The following GASK1A variants were observed in gnomAD, a reference collection of about 807,000 sequenced individuals.
The protein encoded by GASK1A is Golgi-associated kinase 1A.
GASK1A carries 40 observed loss-of-function variants against 41.2 expected under a neutral mutation model. The ratio of observed to expected loss-of-function variants is 0.97; its 90% CI spans 0.75 to 1.27. The LOEUF is 1.27. GASK1A is among the 50% of genes most tolerant of loss of function. The pLI is 0.00. For missense variants in GASK1A, 678 were observed against 745.1 expected, an observed-to-expected ratio of 0.91 and a Z score of 1.05; for synonymous variants, 316 against 307.1, an observed-to-expected ratio of 1.03 and a Z score of -0.30.
chr3:43,043,941 G>A (rs923717356), intron 2 of GASK1A, among the ~76,000 whole-genome samples: 21 of 152,156 alleles, frequency 1.4e-4, no homozygotes, highest in Admixed American at 1.2e-3. Flanking sequence ...AGACAGTGTG[G>A]CAGAATAATC....
intron 1 of GASK1A, among the ~76,000 whole-genome samples, chr3:43,017,755 G>T (rs1473877954): frequency 4.0e-5 from 6 of 151,148 alleles, no homozygotes; most frequent in Non-Finnish European, 7.4e-5. Context: ...ACAGGGGGCC[G>T]TCTGAAGCCA....
At chr3:43,020,770 A>G (rs2089517820) in intron 1 of GASK1A, among the ~76,000 whole-genome samples, 1 of 152,156 alleles carries the variant, frequency 6.6e-6, no homozygotes, top group Admixed American at 6.5e-5. Context: ...ACCTGGGGCA[A>G]GCTCTTCTCA....
intron 2 of GASK1A, among the ~76,000 whole-genome samples, chr3:43,050,481 T>G (rs1035334499): frequency 1.3e-5 from 2 of 152,176 alleles, no homozygotes; most frequent in Non-Finnish European, 2.9e-5. Flanking sequence ...TTTGACAGTT[T>G]TATTCTAGGT....
At chr3:43,001,432 A>T (rs1486295166) in intron 1 of GASK1A, among the ~76,000 whole-genome samples, 2 of 152,228 alleles carry the variant, frequency 1.3e-5, no homozygotes, top group African/African-American at 4.8e-5. Flanking sequence ...GGAAGCCAGA[A>T]CAAAGAAAAG....
chr3:43,036,926 A>G (rs568998116), intron 2 of GASK1A, among the ~76,000 whole-genome samples: 97 of 152,186 alleles, frequency 6.4e-4, no homozygotes, highest in Non-Finnish European at 1.2e-3. Context: ...CAAAACTGTA[A>G]TAGGCTCCTG....
chr3:42,985,573 GTGTGTGTGTGTGT>G (rs1559395409), intron 1 of GASK1A, among the ~76,000 whole-genome samples: 1 of 147,252 alleles, frequency 6.8e-6, no homozygotes. Context: ...GTGTGTGTGT[GTGTGTGTGTGTGT>G]GGGCGGAGGC....
chr3:43,031,210 G>C (rs1427086174), intron 1 of GASK1A, among the ~76,000 whole-genome samples: 1 of 152,138 alleles, frequency 6.6e-6, no homozygotes, highest in African/African-American at 2.4e-5. Flanking sequence ...TTCCCATTAT[G>C]TACCAGGGCT....
intron 3 of GASK1A, among the ~76,000 whole-genome samples, chr3:43,054,695 C>T (rs1559408925): frequency 6.6e-6 from 1 of 152,170 alleles, no homozygotes; most frequent in African/African-American, 2.4e-5. Context: ...GAGTGGGGAC[C>T]AGAAGAGATG....
At chr3:43,029,091 T>TG (rs2089561981) in intron 1 of GASK1A, among the ~76,000 whole-genome samples, 1 of 152,008 alleles carries the variant, frequency 6.6e-6, no homozygotes, top group African/African-American at 2.4e-5. Context: ...CCTCCAGGTA[T>TG]GGGGGAGGGA....
intron 1 of GASK1A, among the ~76,000 whole-genome samples, chr3:43,022,017 G>C (rs1364694452): frequency 1.3e-5 from 2 of 152,182 alleles, no homozygotes; most frequent in African/African-American, 4.8e-5. Context: ...AACATTGCAG[G>C]GCAGAAAAGA....
chr3:42,993,774 A>C (rs1181501820), intron 1 of GASK1A, among the ~76,000 whole-genome samples: 1 of 152,230 alleles, frequency 6.6e-6, no homozygotes, highest in East Asian at 1.9e-4. Flanking sequence ...TGTGCCAGGC[A>C]CTGTGCTGGG....
At chr3:43,053,743 G>A in intron 3 of GASK1A, 100 bp downstream of exon 3, 1 of 1,349,636 alleles carries the variant, frequency 7.4e-7, no homozygotes, top group African/African-American at 1.4e-5. Context: ...AGTTGATGCT[G>A]GGGTTTCCCA....
chr3:42,981,745 A>G (rs1349175334), intron 1 of GASK1A, among the ~76,000 whole-genome samples: 3 of 152,340 alleles, frequency 2.0e-5, no homozygotes, highest in South Asian at 2.1e-4. Context: ...AGATATCCCT[A>G]TGTCCACAGA....
chr3:43,056,441 G>A lies in GASK1A; in HGVS notation c.*55G>A, dbSNP rs752131118. On this transcript the variant is annotated 3_prime_UTR_variant, in exon 5 of 5. Transcript: ENST00000430121. Reference sequence around the variant, plus strand: ...CCATCCTGATGGCCACATTTTCTTGGGCTCACTCATCTTGAGGACAAATGG... The same window carrying A: ...CCATCCTGATGGCCACATTTTCTTGAGCTCACTCATCTTGAGGACAAATGG... 45 of 1,415,380 alleles carry A rather than the reference G, an allele frequency of 3.2e-5. No individual in the cohort carries two copies. The highest frequency in any genetic ancestry group is 2.8e-4 in the Admixed American group (11 of 38,722). 87.7% of individuals were successfully genotyped at this position (1,415,380 alleles called of 1,614,324 possible). A position where few individuals can be genotyped will look rare whatever the true frequency, so the allele number is the denominator to read the frequency against.
intron 2 of GASK1A, among the ~76,000 whole-genome samples, chr3:43,041,295 G>T (rs59461368): frequency 2.6e-5 from 4 of 152,024 alleles, no homozygotes; most frequent in African/African-American, 7.2e-5. Flanking sequence ...CTGAGGAATC[G>T]TCACACTGAC....
chr3:43,039,810 A>T (rs546460004), intron 2 of GASK1A, among the ~76,000 whole-genome samples: 1 of 152,124 alleles, frequency 6.6e-6, no homozygotes, highest in South Asian at 2.1e-4. Flanking sequence ...TTCCTGAGTT[A>T]GTTTGCTTAG....
chr3:43,044,888 G>A (rs572280078), intron 2 of GASK1A, among the ~76,000 whole-genome samples: 2 of 152,164 alleles, frequency 1.3e-5, no homozygotes, highest in African/African-American at 4.8e-5. Context: ...TCAAAGGAAC[G>A]AGAAAAGACA....
chr3:43,037,477 A>G (rs770029243), intron 2 of GASK1A: 2 of 605,866 alleles, frequency 3.3e-6, no homozygotes, highest in Non-Finnish European at 5.9e-6. Flanking sequence ...AGAGTGAAGG[A>G]TGCTGGAAGG....
chr3:42,991,592 C>T (rs528462078), intron 1 of GASK1A, among the ~76,000 whole-genome samples: 1 of 152,296 alleles, frequency 6.6e-6, no homozygotes, highest in African/African-American at 2.4e-5. Context: ...AGTACGGGGG[C>T]TGGAGCCAGG....
Sources: allele counts gnomAD v4.1 joint callset (sites outside exome capture counted in the v4.1 genomes callset), GRCh38; gene constraint gnomAD v4.1.1; transcripts MANE v1.5; gene names NCBI Gene and HGNC (gene_info 2026-07-23, HGNC 2026-07-21).